Variants in RABGEF1 observed in about 807,000 individuals in gnomAD.
The protein encoded by RABGEF1 is rab5 GDP/GTP exchange factor.
RABGEF1 carries 26 observed loss-of-function variants against 57.3 expected under a neutral mutation model. The ratio of observed to expected loss-of-function variants is 0.45; its 90% CI spans 0.33 to 0.63. RABGEF1 has a LOEUF of 0.63. RABGEF1 is among the 20% of genes least tolerant of loss of function. The probability of loss-of-function intolerance (pLI) is 0.02; values close to 1 mark genes in which losing one functional copy is unlikely to be tolerated. For missense variants in RABGEF1, 464 were observed against 607.6 expected (o/e 0.76, Z 2.48); for synonymous variants, 185 against 210.7 (o/e 0.88, Z 1.06).
intron 7 of RABGEF1, among the ~76,000 whole-genome samples, chr7:66,804,699 C>T (rs1402909104): frequency 1.1e-4 from 17 of 149,378 alleles, no homozygotes; most frequent in Middle Eastern, 3.5e-3. Context: ...CACACCACTG[C>T]ACTCTCCAGC....
In RABGEF1 at chr7:66,789,375, A is replaced by G. The variant is rs7801240; in HGVS notation, c.513+5534A>G. Reference sequence around the variant, plus strand: ...CTCAGCATCTATAAGTCATAAGGAAAAAAAGTAGATAAAAGATGTATTTGA... The same window carrying G: ...CTCAGCATCTATAAGTCATAAGGAAGAAAAGTAGATAAAAGATGTATTTGA... On this transcript the variant is annotated intron_variant, in intron 4 of 8. Coordinates refer to ENST00000284957, the MANE Select transcript of RABGEF1 (RefSeq NM_014504.3). 5.9e-3 allele frequency among the ~76,000 whole-genome samples: 900 copies of G among 152,302 alleles called. 17 individuals are homozygous for G. The highest frequency in any genetic ancestry group is 0.02 in the African/African-American group (829 of 41,554).
At chr7:66,782,465 CTTT>C (rs199988808) in intron 3 of RABGEF1, among the ~76,000 whole-genome samples, 4 of 139,498 alleles carry the variant, frequency 2.9e-5, no homozygotes, top group Admixed American at 7.2e-5. Context: ...ACATACCTTA[CTTT>C]TTTTTTTTTT....
intron 2 of RABGEF1, among the ~76,000 whole-genome samples, chr7:66,717,965 C>T (rs534397833): frequency 2.4e-4 from 37 of 152,184 alleles, no homozygotes; most frequent in Non-Finnish European, 4.6e-4. Flanking sequence ...ATTATCAGTT[C>T]TAAAATATCT....
the RABGEF1 span, among the ~76,000 whole-genome samples, chr7:66,654,824 C>T: frequency 5.9e-5 from 9 of 152,234 alleles, 1 homozygote; most frequent in Non-Finnish European, 1.2e-4. Flanking sequence ...AGTTCCAGGC[C>T]GCCCTCGGCT....
At chr7:66,672,738 T>G in the RABGEF1 span, among the ~76,000 whole-genome samples, 1 of 152,182 alleles carries the variant, frequency 6.6e-6, no homozygotes, top group East Asian at 1.9e-4. Context: ...ATCTCTGTGC[T>G]GGCCTCCAAG....
chr7:66,662,542 C>G, the RABGEF1 span, among the ~76,000 whole-genome samples: 1 of 152,210 alleles, frequency 6.6e-6, no homozygotes, highest in Non-Finnish European at 1.5e-5. Context: ...ATCTCCTGAA[C>G]TGTGCTGGAA....
chr7:66,755,488 GA>G (rs530182977), intron 1 of RABGEF1, among the ~76,000 whole-genome samples: 16 of 149,462 alleles, frequency 1.1e-4, no homozygotes, highest in Non-Finnish European at 2.1e-4. Flanking sequence ...GAAAAGAAAA[GA>G]AAAAAAAAGC....
intron 1 of RABGEF1, among the ~76,000 whole-genome samples, 172 bp downstream of exon 1, chr7:66,740,964 G>T (rs553367549): frequency 6.6e-6 from 1 of 152,252 alleles, no homozygotes; most frequent in Admixed American, 6.5e-5. Context: ...TTCCGTCTCC[G>T]TCAGCGCCGC....
intron 1 of RABGEF1, among the ~76,000 whole-genome samples, chr7:66,690,052 A>G (rs937475840): frequency 6.6e-6 from 1 of 152,098 alleles, no homozygotes; most frequent in Non-Finnish European, 1.5e-5. Context: ...CAAAGGCACT[A>G]CAAGAAAACA....
intron 1 of RABGEF1, among the ~76,000 whole-genome samples, chr7:66,688,411 A>G (rs576043455): frequency 1.3e-5 from 2 of 152,354 alleles, no homozygotes; most frequent in East Asian, 3.9e-4. Context: ...TAATCCAACT[A>G]GATCTAATGG....
At chr7:66,707,925 G>A (rs895717494) in intron 1 of RABGEF1, among the ~76,000 whole-genome samples, 2 of 151,902 alleles carry the variant, frequency 1.3e-5, no homozygotes, top group African/African-American at 4.8e-5. Flanking sequence ...CATTAATATA[G>A]CCACTCTAGC....
chr7:66,719,119 A>G (rs12540536), intron 2 of RABGEF1, among the ~76,000 whole-genome samples: 6,002 of 152,324 alleles, frequency 0.039, 166 homozygotes, highest in East Asian at 0.085. Context: ...TCACCATGTC[A>G]TGTGATTGCC....
At chr7:66,664,580 G>A in the RABGEF1 span, among the ~76,000 whole-genome samples, 1 of 152,016 alleles carries the variant, frequency 6.6e-6, no homozygotes, top group African/African-American at 2.4e-5. Context: ...CTGCAGCCCG[G>A]GCAACAGAAC....
intron 2 of RABGEF1, 34 bp downstream of exon 2, chr7:66,772,112 G>A: frequency 1.4e-6 from 2 of 1,399,082 alleles, no homozygotes; most frequent in Non-Finnish European, 1.9e-6. Context: ...GTTGAACAGT[G>A]ACGTGACTGG....
At chr7:66,771,484 C>T (rs1163773259) in intron 1 of RABGEF1, among the ~76,000 whole-genome samples, 1 of 152,104 alleles carries the variant, frequency 6.6e-6, no homozygotes, top group Non-Finnish European at 1.5e-5. Flanking sequence ...TCTGATTTTG[C>T]TTTTGTTGCC....
intron 2 of RABGEF1, among the ~76,000 whole-genome samples, chr7:66,731,863 G>A (rs1290051088): frequency 6.6e-6 from 1 of 152,202 alleles, no homozygotes; most frequent in East Asian, 1.9e-4. Context: ...ACTGCCCAAG[G>A]TGCACAGTGA....
In RABGEF1 at chr7:66,751,428, G is replaced by A. The variant is rs550645553; in HGVS notation, c.-18+10636G>A. 5.3e-5 allele frequency among the ~76,000 whole-genome samples: 8 copies of A among 152,232 alleles called. No individual in the cohort carries two copies. In the South Asian group the frequency reaches 8.3e-4, roughly 16 times the overall value. Reference sequence around the variant, plus strand: ...CTGAGCATCTGTTTCTATTATCTGCGTTTCCTGTTGGTTTTTAGTTATCTG... The same window carrying A: ...CTGAGCATCTGTTTCTATTATCTGCATTTCCTGTTGGTTTTTAGTTATCTG... On this transcript the variant is annotated intron_variant, in intron 1 of 8. Coordinates refer to ENST00000284957, the MANE Select transcript of RABGEF1 (RefSeq NM_014504.3).
chr7:66,716,164 T>A (rs1395420103), intron 2 of RABGEF1, among the ~76,000 whole-genome samples: 1 of 152,236 alleles, frequency 6.6e-6, no homozygotes, highest in Admixed American at 6.6e-5. Context: ...CATTATGTAA[T>A]GTCCCTCTTA....
At chr7:66,677,042 T>A in the RABGEF1 span, among the ~76,000 whole-genome samples, 1 of 152,204 alleles carries the variant, frequency 6.6e-6, no homozygotes, top group South Asian at 2.1e-4. Context: ...TTCTAAGAGT[T>A]TTGTATTTTT....
Sources: gnomAD v4.1 joint callset for allele counts (sites outside exome capture counted in the v4.1 genomes callset) on GRCh38, gnomAD v4.1.1 for gene constraint, MANE v1.5 for transcripts, NCBI Gene and HGNC (gene_info 2026-07-23, HGNC 2026-07-21) for gene names.